The following TMEM164 variants were observed in gnomAD, a reference collection of about 807,000 sequenced individuals.
TMEM164 encodes RP13-360B22.2.
TMEM164 carries 4 observed loss-of-function variants against 18.8 expected under a neutral mutation model. The observed-to-expected ratio is 0.21, with a 90% confidence interval of 0.10 to 0.49. TMEM164 has a LOEUF of 0.49. TMEM164 is among the 20% of genes least tolerant of loss of function. The probability of loss-of-function intolerance (pLI) is 0.98; values close to 1 mark genes in which losing one functional copy is unlikely to be tolerated. For synonymous variants in TMEM164, 86 were observed against 101.7 expected, an observed-to-expected ratio of 0.85 and a Z score of 0.93; for missense variants, 108 against 239.9, an observed-to-expected ratio of 0.45 and a Z score of 3.63.
chrX:110,082,323 T>C (rs2065771270), intron 3 of TMEM164: 2 of 113,722 alleles, frequency 1.8e-5, no homozygotes, highest in Admixed American at 1.9e-4. Flanking sequence ...AATGCTTACA[T>C]AGCAGCGTCA....
chrX:110,040,712 G>C (rs1411858821), intron 2 of TMEM164, among the ~76,000 whole-genome samples: 2 of 110,966 alleles, frequency 1.8e-5, no homozygotes, highest in Non-Finnish European at 3.8e-5. Context: ...TTTTCCCTTT[G>C]CTCAGCCACC....
At chrX:110,059,119 CTTACAG>C (rs1935996061) in intron 2 of TMEM164, among the ~76,000 whole-genome samples, 1 of 111,116 alleles carries the variant, frequency 9.0e-6, no homozygotes, top group African/African-American at 3.3e-5. Context: ...AGTTTTTGCT[CTTACAG>C]TTAGGTCTTT....
Position 110,004,027 on chromosome X carries a change from G to C in TMEM164, c.253G>C (p.Glu85Gln), listed in dbSNP as rs377651326. 9.1e-6 allele frequency: 11 copies of C among 1,209,403 alleles called. No homozygotes were observed. Among genetic ancestry groups the C allele is most frequent in the Non-Finnish European group, 1.2e-5 (11 of 895,070 alleles). The stretch of plus-strand genomic sequence containing the variant: ...AGAGCAGGTGACCCAGCGGCCAGAG[G>C]AAGGCAAGGAGAGCCTGAGCAAGAA... ...QPEQVTQRPE[E>Q]GKESLSKNLL... The change falls in exon 2 of 7, where the codon GAA (glutamate) becomes CAA (glutamine). Residue 85 changes from glutamate (E) to glutamine (Q), a missense_variant. Physicochemically the swap from Glu to Gln is conservative, Grantham distance 29. Transcript: ENST00000372068.
intron 2 of TMEM164, among the ~76,000 whole-genome samples, chrX:110,050,103 G>T (rs1346573626): frequency 9.0e-6 from 1 of 111,673 alleles, no homozygotes; most frequent in Non-Finnish European, 1.9e-5. Context: ...TCACTGATTT[G>T]CTTGTGCGAC....
chrX:110,019,504 G>A (rs189550732), intron 2 of TMEM164, among the ~76,000 whole-genome samples: 3 of 111,003 alleles, frequency 2.7e-5, no homozygotes, highest in East Asian at 2.8e-4. Context: ...TCTACTACTC[G>A]ACCCTTTACA....
At chrX:110,130,639 T>C (rs1413328788) in intron 4 of TMEM164, among the ~76,000 whole-genome samples, 1 of 110,654 alleles carries the variant, frequency 9.0e-6, no homozygotes, top group Non-Finnish European at 1.9e-5. Context: ...GAGCCTGCCC[T>C]ACTGGAGTAT....
chrX:110,110,973 G>T (rs977537790), intron 4 of TMEM164, among the ~76,000 whole-genome samples: 2 of 112,079 alleles, frequency 1.8e-5, no homozygotes, highest in African/African-American at 3.2e-5. Context: ...TTCTGCCAAG[G>T]ACCCCAAAGC....
Position 110,143,678 on chromosome X carries a change from G to C in TMEM164, c.508-1120G>C, listed in dbSNP as rs73636952. On this transcript the variant is annotated intron_variant, in intron 4 of 6. Coordinates refer to ENST00000372068, the MANE Select transcript of TMEM164 (RefSeq NM_032227.4). ...CATAAGACAGACCTGGGCTCCTGTG[G>C]CTGGGGAGCCTGTAACTGCCTCCTC... Among the ~76,000 whole-genome samples the C allele has an allele frequency of 7.6e-3, 837 of 110,841 alleles. 8 individuals carry two copies. The highest frequency in any genetic ancestry group is 0.027 in the African/African-American group (807 of 30,408).
In TMEM164 at chrX:110,177,378, C is replaced by T. The variant is rs968812643; in HGVS notation, c.*3927C>T. 2 of 111,927 alleles carry T rather than the reference C, an allele frequency of 1.8e-5. No homozygotes were observed. Among genetic ancestry groups the T allele is most frequent in the Non-Finnish European group, 3.8e-5 (2 of 53,232 alleles). The allele number at this position is 111,927 out of a possible 1,213,427, so 9.2% of individuals were successfully genotyped here. On this transcript the variant is annotated 3_prime_UTR_variant, in exon 7 of 7. Coordinates refer to ENST00000372068, the MANE Select transcript of TMEM164 (RefSeq NM_032227.4). ...CCCTCTTCCCCTACCCCTGTCCTTC[C>T]TCAGTTCCCAGCTGGGATTGCTATG...
At chrX:110,038,905 A>C (rs1006951638) in intron 2 of TMEM164, among the ~76,000 whole-genome samples, 2 of 111,438 alleles carry the variant, frequency 1.8e-5, no homozygotes, top group African/African-American at 6.5e-5. Flanking sequence ...TTCACACTTA[A>C]GATTTTTACA....
At chrX:110,008,418 T>C (rs758551336) in intron 2 of TMEM164, among the ~76,000 whole-genome samples, 2 of 111,608 alleles carry the variant, frequency 1.8e-5, no homozygotes, top group Non-Finnish European at 3.8e-5. Flanking sequence ...TTGAAGTTGG[T>C]GGGTAATGGG....
At chrX:110,157,480 C>T (rs1353100922) in intron 5 of TMEM164, among the ~76,000 whole-genome samples, 2 of 111,358 alleles carry the variant, frequency 1.8e-5, no homozygotes, top group Admixed American at 9.5e-5. Flanking sequence ...CTCCTTTTCC[C>T]TTTCTCTCTG....
chrX:110,034,605 T>C (rs1428004701), intron 2 of TMEM164, among the ~76,000 whole-genome samples: 1 of 111,870 alleles, frequency 8.9e-6, no homozygotes, highest in Non-Finnish European at 1.9e-5. Context: ...GGTTATTGTT[T>C]GCTGAACACT....
intron 2 of TMEM164, among the ~76,000 whole-genome samples, chrX:110,043,617 G>A (rs1935187073): frequency 8.9e-6 from 1 of 112,027 alleles, no homozygotes; most frequent in Admixed American, 9.4e-5. Flanking sequence ...CTAAAGCTGT[G>A]GTGGTACCAC....
At chrX:110,121,519 A>T (rs774386381) in intron 4 of TMEM164, among the ~76,000 whole-genome samples, 13 of 112,370 alleles carry the variant, frequency 1.2e-4, no homozygotes, top group Non-Finnish European at 1.7e-4. Flanking sequence ...ATGTTGTTGC[A>T]TGTATCAGTA....
At chrX:110,073,474 G>A (rs771803348) in intron 3 of TMEM164, among the ~76,000 whole-genome samples, 1 of 112,277 alleles carries the variant, frequency 8.9e-6, no homozygotes, top group Admixed American at 9.4e-5. Context: ...CTGCTGCAAA[G>A]GGCATGACTT....
Position 110,150,618 on chromosome X carries a change from A to AT in TMEM164, c.586+5747dup, listed in dbSNP as rs1190367007. Among the ~76,000 whole-genome samples, 4 of 112,434 alleles carry AT rather than the reference A, an allele frequency of 3.6e-5. No homozygotes were observed. The South Asian group carries it at 1.1e-3, about 31-fold the overall frequency. On this transcript the variant is annotated intron_variant, in intron 5 of 6. Coordinates refer to ENST00000372068, the MANE Select transcript of TMEM164 (RefSeq NM_032227.4). ...TGCTACAACTCCACGAGTAACTACT[A>AT]TTTTTGGTTTTTGTATATCCTCCCA...
intron 5 of TMEM164, among the ~76,000 whole-genome samples, chrX:110,169,483 C>T (rs767320026): frequency 6.3e-5 from 7 of 111,219 alleles, no homozygotes; most frequent in Non-Finnish European, 1.3e-4. Flanking sequence ...TCTTACCAGC[C>T]TCCCTGCCTC....
intron 5 of TMEM164, among the ~76,000 whole-genome samples, chrX:110,159,412 G>A (rs745975057): frequency 1.8e-5 from 2 of 110,834 alleles, no homozygotes; most frequent in Admixed American, 9.6e-5. Context: ...CTGAACTGTC[G>A]GGAGGTTGTG....
Sources: allele counts gnomAD v4.1 joint callset (sites outside exome capture counted in the v4.1 genomes callset), GRCh38; gene constraint gnomAD v4.1.1; transcripts MANE v1.5; gene names NCBI Gene and HGNC (gene_info 2026-07-23, HGNC 2026-07-21).